RBFOX1: variants seen among roughly 807,000 people sequenced by gnomAD.
The protein encoded by RBFOX1 is RNA binding protein fox-1 homolog 1.
Under a neutral mutation model 57.7 loss-of-function variants are expected in RBFOX1, and 8 were observed. That is an observed-to-expected ratio of 0.14 (90% confidence interval 0.08 to 0.25). The LOEUF (loss-of-function observed/expected upper bound fraction) is 0.25. Among genes scored for constraint, RBFOX1 ranks in the 10% least tolerant of loss-of-function variants. RBFOX1 has a pLI of 1.00. For missense variants in RBFOX1, 611 were observed against 548.5 expected (o/e 1.11, Z -1.14); for synonymous variants, 326 against 222.4 (o/e 1.47, Z -4.15).
intron 4 of RBFOX1, among the ~76,000 whole-genome samples, chr16:5,880,143 C>A (rs1041454203): frequency 1.7e-4 from 26 of 152,204 alleles, no homozygotes; most frequent in African/African-American, 5.8e-4. Context: ...CTCTTTTATG[C>A]ACTTTGTTCC....
chr16:7,103,925 A>T (rs547111680), intron 4 of RBFOX1, among the ~76,000 whole-genome samples: 1 of 152,256 alleles, frequency 6.6e-6, no homozygotes, highest in South Asian at 2.1e-4. Flanking sequence ...CTCTCTTTCA[A>T]ACATCCATGG....
At chr16:6,663,745 C>G (rs115697621) in intron 3 of RBFOX1, among the ~76,000 whole-genome samples, 1 of 152,138 alleles carries the variant, frequency 6.6e-6, no homozygotes, top group South Asian at 2.1e-4. Context: ...TTCCTGGAAT[C>G]TTTGGAAATG....
intron 1 of RBFOX1, among the ~76,000 whole-genome samples, chr16:5,307,976 C>G (rs1015969271): frequency 1.3e-5 from 2 of 152,084 alleles, no homozygotes; most frequent in African/African-American, 4.8e-5. Flanking sequence ...CCGTGCCTGA[C>G]TATAATAGCT....
In RBFOX1 at chr16:5,947,101, A is replaced by G. The variant is rs144455934; in HGVS notation, c.351+79766A>G. Among the ~76,000 whole-genome samples the G allele has an allele frequency of 1.3e-5, 2 of 152,168 alleles. No individual in the cohort carries two copies. Among genetic ancestry groups the G allele is most frequent in the African/African-American group, 4.8e-5 (2 of 41,444 alleles). On this transcript the variant is annotated intron_variant, in intron 4 of 19. Coordinates refer to the RBFOX1 transcript ENST00000641259. This position sits in a 1 kb window ranked among gnomAD's most constrained non-coding sequence, Gnocchi z 7.2. ...ATGTGGTTGTGCATACTGTAGTCCC[A>G]GATACTCAGGAGGCTGAGGTAGGAG...
At chr16:7,241,046 A>C (rs2094030001) in intron 4 of RBFOX1, among the ~76,000 whole-genome samples, 1 of 152,134 alleles carries the variant, frequency 6.6e-6, no homozygotes, top group Non-Finnish European at 1.5e-5. Flanking sequence ...AAGCCACTGG[A>C]TTTGGGTTGG....
chr16:6,677,224 G>C (rs963221633), intron 3 of RBFOX1, among the ~76,000 whole-genome samples: 1 of 152,126 alleles, frequency 6.6e-6, no homozygotes, highest in African/African-American at 2.4e-5. Context: ...CTAGAATACA[G>C]GTTTTCCGTG....
At chr16:7,160,473 C>G (rs535403863) in intron 4 of RBFOX1, among the ~76,000 whole-genome samples, 1 of 152,052 alleles carries the variant, frequency 6.6e-6, no homozygotes, top group African/African-American at 2.4e-5. Context: ...GTGTAACGTG[C>G]AGCATGAACT....
intron 4 of RBFOX1, among the ~76,000 whole-genome samples, chr16:7,100,587 G>A (rs781379763): frequency 1.0e-5 from 1 of 96,726 alleles, no homozygotes; most frequent in Non-Finnish European, 2.0e-5. Flanking sequence ...TTTTTTTTTA[G>A]CATATGGCTA....
chr16:6,416,241 T>A (rs1367568025), intron 2 of RBFOX1, among the ~76,000 whole-genome samples: 1 of 152,198 alleles, frequency 6.6e-6, no homozygotes, highest in African/African-American at 2.4e-5. Flanking sequence ...GGATTTATTT[T>A]CTCAGCCATC....
chr16:6,785,956 G>A (rs1293964240), intron 3 of RBFOX1, among the ~76,000 whole-genome samples: 5 of 152,174 alleles, frequency 3.3e-5, no homozygotes, highest in Non-Finnish European at 7.3e-5. Context: ...GACTTCCCAG[G>A]TGGCACTTAC....
chr16:6,200,668 T>A (rs1038844004), intron 1 of RBFOX1, among the ~76,000 whole-genome samples: 1 of 152,188 alleles, frequency 6.6e-6, no homozygotes, highest in Non-Finnish European at 1.5e-5. Flanking sequence ...ACAGGAGAGA[T>A]AACCCTTTAC....
rs560167967 is a variant in RBFOX1 at position 7,168,863 on chromosome 16, C to G, written c.27+116765C>G. 2.6e-5 allele frequency among the ~76,000 whole-genome samples: 4 copies of G among 152,246 alleles called. No homozygotes were observed. The South Asian group carries it at 8.3e-4, about 32-fold the overall frequency. ...CTCCTGACATGAACAAATATACTTT[C>G]AAATAGGAGGAGTGTGCCTCTATTT... On this transcript the variant is annotated intron_variant, in intron 4 of 15. Coordinates refer to ENST00000550418, the MANE Select transcript of RBFOX1 (RefSeq NM_018723.4).
chr16:6,288,497 A>G (rs1345251276), intron 1 of RBFOX1, among the ~76,000 whole-genome samples: 1 of 152,188 alleles, frequency 6.6e-6, no homozygotes, highest in Non-Finnish European at 1.5e-5. Flanking sequence ...ATACTATTGT[A>G]CATACATGAT....
At position 5,869,617 on chromosome 16, in the gene RBFOX1, G is replaced by T. The variant is rs145788397; in HGVS notation, c.351+2282G>T. Among the ~76,000 whole-genome samples, 551 of 152,212 alleles carry T rather than the reference G, an allele frequency of 3.6e-3. 2 individuals carry two copies. The highest frequency in any genetic ancestry group is 0.013 in the African/African-American group (536 of 41,504). ...GGGTTTCACCATGTTGGCCAGGATG[G>T]TCTCTATCTCTTGACCACCTCGTGA... On this transcript the variant is annotated intron_variant, in intron 4 of 19. Coordinates refer to the RBFOX1 transcript ENST00000641259.
chr16:6,120,695 G>A (rs927010648), intron 1 of RBFOX1, among the ~76,000 whole-genome samples: 1 of 151,968 alleles, frequency 6.6e-6, no homozygotes, highest in Non-Finnish European at 1.5e-5. Context: ...TTCCTTCTCA[G>A]GCTCTTTTAT....
intron 2 of RBFOX1, among the ~76,000 whole-genome samples, chr16:6,556,057 G>A (rs1665999599): frequency 1.3e-5 from 2 of 152,114 alleles, no homozygotes; most frequent in Non-Finnish European, 2.9e-5. Flanking sequence ...TGAGACTAGT[G>A]AAACTCCCAT....
intron 4 of RBFOX1, among the ~76,000 whole-genome samples, chr16:7,103,539 C>G (rs1445745827): frequency 6.6e-6 from 1 of 152,094 alleles, no homozygotes; most frequent in Non-Finnish European, 1.5e-5. Flanking sequence ...GTGACAAAAG[C>G]TGTGTATCAA....
chr16:6,662,964 G>A (rs959614534), intron 3 of RBFOX1, among the ~76,000 whole-genome samples: 4 of 152,176 alleles, frequency 2.6e-5, no homozygotes, highest in African/African-American at 4.8e-5. Context: ...AGTATGGATC[G>A]CACATAACTG....
At chr16:6,798,786 G>T (rs997101596) in intron 3 of RBFOX1, among the ~76,000 whole-genome samples, 1 of 152,140 alleles carries the variant, frequency 6.6e-6, no homozygotes, top group Non-Finnish European at 1.5e-5. Flanking sequence ...TAGATTTAGT[G>T]GCACCATAGT....
Sources: allele counts gnomAD v4.1 joint callset (sites outside exome capture counted in the v4.1 genomes callset), GRCh38; gene constraint gnomAD v4.1.1; non-coding constraint Gnocchi (gnomAD v3.1); transcripts MANE v1.5; gene names NCBI Gene and HGNC (gene_info 2026-07-23, HGNC 2026-07-21).